The following N4BP2L1 variants were observed in gnomAD, a reference collection of about 807,000 sequenced individuals.
N4BP2L1 encodes the protein NEDD4 binding protein 2 like 1, also known as NEDD4-binding protein 2-like 1.
N4BP2L1 carries 12 observed loss-of-function variants against 21.2 expected under a neutral mutation model. That is an observed-to-expected ratio of 0.57 (90% CI 0.36 to 0.92). The LOEUF (loss-of-function observed/expected upper bound fraction) is 0.92, where lower values mean the gene tolerates loss of function less well. N4BP2L1 is among the 40% of genes least tolerant of loss of function. The probability of loss-of-function intolerance (pLI) is 0.01; values close to 1 mark genes in which losing one functional copy is unlikely to be tolerated. For missense variants in N4BP2L1, 259 were observed against 310.6 expected (o/e 0.83, Z 1.25); for synonymous variants, 104 against 112.8 (o/e 0.92, Z 0.49).
intron 2 of N4BP2L1, 121 bp from the exon 3 acceptor site, chr13:32,407,459 G>A (rs1227665530): frequency 6.3e-7 from 1 of 1,585,356 alleles, no homozygotes; most frequent in East Asian, 2.3e-5. Flanking sequence ...CAACTTCAGA[G>A]CCCACTATCA....
intron 1 of N4BP2L1, among the ~76,000 whole-genome samples, chr13:32,417,135 C>T (rs1357894212): frequency 6.6e-6 from 1 of 152,158 alleles, no homozygotes; most frequent in African/African-American, 2.4e-5. Context: ...TTTATAGAGT[C>T]CCAAGCTGTG....
Position 32,411,515 on chromosome 13 carries a change from A to G in N4BP2L1, c.180-3743T>C, listed in dbSNP as rs542607807. 7 of 985,358 alleles carry G rather than the reference A, an allele frequency of 7.1e-6. No individual in the cohort carries two copies. The South Asian group carries it at 1.9e-4, about 26-fold the overall frequency. The allele number at this position is 985,358 out of a possible 1,614,324, so 61.0% of individuals were successfully genotyped here. A position where few individuals can be genotyped will look rare whatever the true frequency, so the allele number is the denominator to read the frequency against. ...TCTTGAGATTCTCAAACTTAAGTGG[A>G]AGCAATAAATACCATTCCATCAGCT... On this transcript the variant is annotated intron_variant, in intron 1 of 4. Transcript: ENST00000380130.
At chr13:32,410,680 G>A (rs927582321) in intron 1 of N4BP2L1, among the ~76,000 whole-genome samples, 1 of 152,176 alleles carries the variant, frequency 6.6e-6, no homozygotes, top group Non-Finnish European at 1.5e-5. Flanking sequence ...TTTCAGGTAT[G>A]TATATTTTAT....
In N4BP2L1 at chr13:32,402,022, A is replaced by G. The variant is rs996499868; in HGVS notation, c.*920T>C. On this transcript the variant is annotated 3_prime_UTR_variant, in exon 5 of 5. Coordinates refer to ENST00000380130, the MANE Select transcript of N4BP2L1 (RefSeq NM_052818.3). Reference sequence around the variant, plus strand: ...ATCAACTGCTCATTTTGTAATGAGCATGGCTTTTATATATCCCTGTATGAC... The same window carrying G: ...ATCAACTGCTCATTTTGTAATGAGCGTGGCTTTTATATATCCCTGTATGAC... 3 of 985,344 alleles carry G rather than the reference A, an allele frequency of 3.0e-6. No individual in the cohort carries two copies. The highest frequency in any genetic ancestry group is 1.7e-5 in the African/African-American group (1 of 57,250). 61.0% of individuals were successfully genotyped at this position (985,344 alleles called of 1,614,324 possible).
intron 1 of N4BP2L1, among the ~76,000 whole-genome samples, chr13:32,422,349 CA>C (rs892468872): frequency 2.2e-5 from 3 of 139,132 alleles, no homozygotes; most frequent in South Asian, 2.6e-4. Context: ...TTGGGGTACA[CA>C]AAAAAAGCTG....
chr13:32,420,307 C>G (rs1244029699), intron 1 of N4BP2L1: 1 of 152,230 alleles, frequency 6.6e-6, no homozygotes, highest in Non-Finnish European at 1.5e-5. Context: ...GCAGGTTTCA[C>G]CTGTGTTTGT....
chr13:32,429,332 C>T (rs1038462173), upstream of N4BP2L1, among the ~76,000 whole-genome samples: 23 of 152,248 alleles, frequency 1.5e-4, no homozygotes, highest in Non-Finnish European at 2.6e-4. Context: ...CCATTCCCAG[C>T]GTGGAGGAAG....
chr13:32,420,534 TG>T (rs2074411978), intron 1 of N4BP2L1: 1 of 152,200 alleles, frequency 6.6e-6, no homozygotes, highest in African/African-American at 2.4e-5. Context: ...TTCTTCTTAC[TG>T]TAACTATGAG....
At chr13:32,429,457 T>G (rs2074935249), upstream of N4BP2L1, among the ~76,000 whole-genome samples, 1 of 152,238 alleles carries the variant, frequency 6.6e-6, no homozygotes, top group Admixed American at 6.5e-5. Context: ...GTAAAAATAG[T>G]GACACAATCT....
rs375051779 is a variant in N4BP2L1 at position 32,404,440 on chromosome 13, T to C, written c.397-43A>G. The stretch of plus-strand genomic sequence containing the variant: ...CATAAAACATTGAAGACATAGTATG[T>C]ATGTTTGGGAATGTTTATGCTGCCA... On this transcript the variant is annotated intron_variant, in intron 3 of 4. Transcript: ENST00000380130. 523 of 1,398,930 alleles carry C rather than the reference T, an allele frequency of 3.7e-4. 2 individuals are homozygous for C. In the South Asian group the frequency reaches 4.5e-3, roughly 12 times the overall value. The allele number at this position is 1,398,930 out of a possible 1,614,324, so 86.7% of individuals were successfully genotyped here.
chr13:32,409,367 C>A (rs557797750), intron 1 of N4BP2L1, among the ~76,000 whole-genome samples: 14 of 152,182 alleles, frequency 9.2e-5, no homozygotes, highest in African/African-American at 3.1e-4. Flanking sequence ...CAGTGGCAAA[C>A]CAGGAAATTC....
intron 1 of N4BP2L1, among the ~76,000 whole-genome samples, chr13:32,412,428 A>G (rs930941101): frequency 1.4e-5 from 2 of 142,028 alleles, no homozygotes; most frequent in Admixed American, 7.1e-5. Context: ...GGAGTTTGAG[A>G]CCAGCCTGGC....
Position 32,407,266 on chromosome 13 carries a change from T to C in N4BP2L1, c.380A>G (p.Lys127Arg). 1 of 1,614,166 alleles carries C rather than the reference T, an allele frequency of 6.2e-7. No individual in the cohort carries two copies. The highest frequency in any genetic ancestry group is 1.1e-5 in the South Asian group (1 of 91,076). ...DNTNLHAWEM[K>R]PYAVMALENN... ...TCTTCCTACCATGACTGCATAGGGC[T>C]TCATTTCCCAGGCGTGGAGGTTGGT... The change falls in exon 3 of 5, where the codon AAG becomes AGG. Residue 127 changes from lysine (K) to arginine (R), a missense_variant. Physicochemically the swap from Lys to Arg is conservative, Grantham distance 26. This residue lies in a region of N4BP2L1 where 91 missense variants were observed against 148.1 expected (regional missense o/e 0.61). Coordinates refer to ENST00000380130, the MANE Select transcript of N4BP2L1 (RefSeq NM_052818.3).
intron 1 of N4BP2L1, among the ~76,000 whole-genome samples, chr13:32,423,635 G>A (rs949233564): frequency 1.3e-5 from 2 of 152,150 alleles, no homozygotes; most frequent in African/African-American, 2.4e-5. Context: ...GCTACAACAT[G>A]GATGAACCTT....
At chr13:32,405,895 T>TCC (rs1566286841) in intron 3 of N4BP2L1, among the ~76,000 whole-genome samples, 4 of 67,262 alleles carry the variant, frequency 5.9e-5, no homozygotes, top group Non-Finnish European at 1.1e-4. Context: ...CTGCCCCCTT[T>TCC]TTTTTTTTTT....
Position 32,401,583 on chromosome 13 carries a change from ATTACCT to A in N4BP2L1, c.*1353_*1358del, listed in dbSNP as rs1412730236. ...ACTAAATTATAAGGCTGCTTTTGTCATTACCTTTACGATTCCTATTTATTAAAAAAA... is the reference window on the plus strand; with the variant it reads ...ACTAAATTATAAGGCTGCTTTTGTCATTACGATTCCTATTTATTAAAAAAA... On this transcript the variant is annotated 3_prime_UTR_variant, in exon 5 of 5. Transcript: ENST00000380130. The A allele has an allele frequency of 6.6e-6, 1 of 152,524 alleles. No individual in the cohort carries two copies. The highest frequency in any genetic ancestry group is 1.5e-5 in the Non-Finnish European group (1 of 68,040). 9.4% of individuals were successfully genotyped at this position (152,524 alleles called of 1,614,324 possible).
chr13:32,417,097 G>C (rs1238492990), intron 1 of N4BP2L1, among the ~76,000 whole-genome samples: 1 of 152,202 alleles, frequency 6.6e-6, no homozygotes, highest in African/African-American at 2.4e-5. Flanking sequence ...TTACAGGCTT[G>C]AGCCACCAGG....
chr13:32,413,325 T>C (rs564561556), intron 1 of N4BP2L1, among the ~76,000 whole-genome samples: 9 of 152,360 alleles, frequency 5.9e-5, no homozygotes, highest in African/African-American at 9.6e-5. Context: ...TTATGTCTGG[T>C]TAACGTCTTT....
chr13:32,422,438 A>C (rs1038529577), intron 1 of N4BP2L1, among the ~76,000 whole-genome samples: 10 of 152,176 alleles, frequency 6.6e-5, no homozygotes, highest in Admixed American at 1.3e-4. Context: ...AGACCAGATG[A>C]ACTCCAGGGG....
Sources: allele counts gnomAD v4.1 joint callset (sites outside exome capture counted in the v4.1 genomes callset), GRCh38; gene constraint gnomAD v4.1.1; regional missense constraint gnomAD v4.1.1; transcripts MANE v1.5; gene names NCBI Gene and HGNC (gene_info 2026-07-23, HGNC 2026-07-21).